The following METTL17 variants were observed in gnomAD, a reference collection of about 807,000 sequenced individuals.
The protein encoded by METTL17 is ribosome assembly protein METTL17, mitochondrial.
METTL17 carries 49 observed loss-of-function variants against 59.4 expected under a neutral mutation model. The ratio of observed to expected loss-of-function variants is 0.82; its 90% confidence interval spans 0.66 to 1.05. The LOEUF (loss-of-function observed/expected upper bound fraction) is 1.05, where lower values mean the gene tolerates loss of function less well. METTL17 is among the 50% of genes least tolerant of loss of function. METTL17 has a pLI of 0.00. For synonymous variants in METTL17, 208 were observed against 209.2 expected, an observed-to-expected ratio of 0.99 and a Z score of 0.05; for missense variants, 555 against 578.4, an observed-to-expected ratio of 0.96 and a Z score of 0.41.
chr14:20,992,048 G>A, intron 3 of METTL17, 76 bp from the exon 4 acceptor site: 3 of 1,307,116 alleles, frequency 2.3e-6, no homozygotes, highest in Non-Finnish European at 3.3e-6. Flanking sequence ...AGGACTGGGT[G>A]GGCAGTATAT....
chr14:20,993,437 C>G, intron 6 of METTL17: 1 of 479,062 alleles, frequency 2.1e-6, no homozygotes, highest in Non-Finnish European at 3.7e-6. Context: ...AATTATCAAT[C>G]AAAGTTGTTT....
intron 6 of METTL17, 77 bp from the exon 7 acceptor site, chr14:20,993,892 T>G: frequency 2.2e-6 from 2 of 921,806 alleles, no homozygotes. Flanking sequence ...GGGGTGGGGT[T>G]GGGTGTAAAT....
At chr14:20,992,040 G>T in intron 3 of METTL17, 84 bp from the exon 4 acceptor site, 1 of 1,233,552 alleles carries the variant, frequency 8.1e-7, no homozygotes, top group Non-Finnish European at 1.2e-6. Flanking sequence ...AGTCGGGGAG[G>T]ACTGGGTGGG....
In METTL17 at chr14:20,992,034, G is replaced by C. The variant is rs1003594719; in HGVS notation, c.365-90G>C. Reference sequence around the variant, plus strand: ...TTTAAGGCTTTTCTTAGGTGGAGTCGGGGAGGACTGGGTGGGCAGTATATT... The same window carrying C: ...TTTAAGGCTTTTCTTAGGTGGAGTCCGGGAGGACTGGGTGGGCAGTATATT... On this transcript the variant is annotated intron_variant, in intron 3 of 13. Transcript: ENST00000339374. 3 of 1,168,706 alleles carry C rather than the reference G, an allele frequency of 2.6e-6. No individual in the cohort carries two copies. In the East Asian group the frequency reaches 7.1e-5, roughly 28 times the overall value. 72.4% of individuals were successfully genotyped at this position (1,168,706 alleles called of 1,614,324 possible).
At chr14:20,993,525 G>A (rs1880156848) in intron 6 of METTL17, 1 of 279,750 alleles carries the variant, frequency 3.6e-6, no homozygotes, top group East Asian at 8.5e-5. Flanking sequence ...GCCCAGGCTG[G>A]AGTGCAGTGG....
intron 5 of METTL17, 129 bp from the exon 6 acceptor site, chr14:20,992,989 G>A: frequency 1.3e-6 from 1 of 772,990 alleles, no homozygotes; most frequent in Non-Finnish European, 2.3e-6. Flanking sequence ...TATCCCATAA[G>A]GTATTTGTAT....
At chr14:20,992,333 A>G (rs895204823) in intron 4 of METTL17, 128 bp downstream of exon 4, 1 of 752,210 alleles carries the variant, frequency 1.3e-6, no homozygotes, top group Non-Finnish European at 2.2e-6. Flanking sequence ...GGATCAATTT[A>G]GTATTTGAAA....
intron 6 of METTL17, chr14:20,993,618 G>GGAC (rs1880167079): frequency 4.5e-6 from 1 of 220,378 alleles, no homozygotes; most frequent in African/African-American, 2.3e-5. Flanking sequence ...GGGACTACAG[G>GGAC]TGCACGCCAC....
chr14:20,993,503 T>C, intron 6 of METTL17: 1 of 321,998 alleles, frequency 3.1e-6, no homozygotes, highest in Non-Finnish European at 5.7e-6. Context: ...TGAAACGGTG[T>C]CTCACTCTGT....
chr14:20,995,599 GA>G (rs751974714), intron 10 of METTL17, among the ~76,000 whole-genome samples: 32 of 152,296 alleles, frequency 2.1e-4, no homozygotes, highest in Non-Finnish European at 2.8e-4. Flanking sequence ...GTCACTGGGG[GA>G]GAGTATGAGC....
Position 20,994,902 on chromosome 14 carries a change from G to C in METTL17, c.876+1G>C. ...ATGGCGTAAGACAGGTCATTTCCTG[G>C]TGAGTTAAAATTCCTTGTTCTCCTT... On this transcript the variant is annotated splice_donor_variant, in intron 9 of 13. Transcript: ENST00000339374. LOFTEE classifies it high-confidence loss of function. 6.2e-7 allele frequency: 1 copy of C among 1,610,952 alleles called. No homozygotes were observed. The highest frequency in any genetic ancestry group is 8.5e-7 in the Non-Finnish European group (1 of 1,177,802).
intron 5 of METTL17, 92 bp downstream of exon 5, chr14:20,992,714 G>T: frequency 1.0e-6 from 1 of 993,094 alleles, no homozygotes; most frequent in South Asian, 1.3e-5. Flanking sequence ...TTGGGACATT[G>T]CATATGCATT....
chr14:20,996,356 C>T, intron 12 of METTL17, 64 bp downstream of exon 12: 3 of 1,562,144 alleles, frequency 1.9e-6, no homozygotes, highest in Non-Finnish European at 8.8e-7. Context: ...GAAAAAGAAT[C>T]AGAGTTAGGA....
At chr14:20,993,214 A>G (rs779563413) in intron 6 of METTL17, 23 bp downstream of exon 6, 13 of 1,607,278 alleles carry the variant, frequency 8.1e-6, no homozygotes, top group African/African-American at 2.7e-5. Flanking sequence ...CTTCAGCCCT[A>G]TCTTGGTCAA....
rs368265115 is a variant in METTL17, at chr14:20,994,909, A to G, written c.876+8A>G. The G allele has an allele frequency of 6.1e-5, 98 of 1,604,692 alleles. 1 individual carries two copies. The African/African-American group carries it at 9.9e-4, about 16-fold the overall frequency. Reference sequence around the variant, plus strand: ...AAGACAGGTCATTTCCTGGTGAGTTAAAATTCCTTGTTCTCCTTAAGTCTT... The same window carrying G: ...AAGACAGGTCATTTCCTGGTGAGTTGAAATTCCTTGTTCTCCTTAAGTCTT... On this transcript the variant is annotated splice_region_variant and intron_variant, in intron 9 of 13. Transcript: ENST00000339374.
At chr14:20,990,849 T>A in intron 3 of METTL17, 1 of 483,928 alleles carries the variant, frequency 2.1e-6, no homozygotes, top group South Asian at 2.3e-5. Context: ...GTTTTTGCTT[T>A]GAGACAGAGT....
intron 6 of METTL17, chr14:20,993,565 C>T (rs535563698): frequency 5.4e-5 from 13 of 239,432 alleles, no homozygotes; most frequent in African/African-American, 3.0e-4. Context: ...AGCCTCCACT[C>T]CTGGGTTCAA....
intron 6 of METTL17, chr14:20,993,430 TATCA>T (rs1880148677): frequency 6.2e-6 from 3 of 485,572 alleles, no homozygotes; most frequent in Non-Finnish European, 3.6e-6. Context: ...GAAAAGGAAT[TATCA>T]ATCAAAGTTG....
intron 7 of METTL17, 67 bp from the exon 8 acceptor site, chr14:20,994,476 C>G (rs1235244086): frequency 1.3e-5 from 17 of 1,320,852 alleles, no homozygotes; most frequent in Non-Finnish European, 1.6e-5. Flanking sequence ...TGTTTCTTAT[C>G]TGGATATCTC....
Sources: gnomAD v4.1 joint callset for allele counts (sites outside exome capture counted in the v4.1 genomes callset) on GRCh38, gnomAD v4.1.1 for gene constraint, MANE v1.5 for transcripts, NCBI Gene and HGNC (gene_info 2026-07-23, HGNC 2026-07-21) for gene names.